PTPRD: variants seen among roughly 807,000 people sequenced by gnomAD.
PTPRD encodes the protein receptor-type tyrosine-protein phosphatase delta.
In PTPRD, 34 loss-of-function variants were observed where a neutral mutation model predicts 214.5. That is an observed-to-expected ratio of 0.16 (90% CI 0.12 to 0.21). The LOEUF (loss-of-function observed/expected upper bound fraction) is 0.21. Among genes scored for constraint, PTPRD ranks in the 10% least tolerant of loss-of-function variants. PTPRD has a pLI of 1.00. For missense variants in PTPRD, 2,545 were observed against 2,398.7 expected (o/e 1.06, Z -1.27); for synonymous variants, 1,128 against 845.7 (o/e 1.33, Z -5.79).
chr9:8,419,457 A>C (rs1206582957), intron 35 of PTPRD, among the ~76,000 whole-genome samples: 1 of 152,072 alleles, frequency 6.6e-6, no homozygotes, highest in African/African-American at 2.4e-5. Flanking sequence ...TATAGCGAAC[A>C]AAAAACAAAA....
chr9:8,374,295 G>A (rs924711304), intron 39 of PTPRD, among the ~76,000 whole-genome samples: 1 of 151,742 alleles, frequency 6.6e-6, no homozygotes, highest in African/African-American at 2.4e-5. Flanking sequence ...GGTCAGATCT[G>A]ACCAAGCAGA....
In PTPRD at chr9:9,595,302, A is replaced by AT. The variant is rs1436652855; in HGVS notation, c.-286-20522dup. Among the ~76,000 whole-genome samples, 190 of 71,018 alleles carry AT rather than the reference A, an allele frequency of 2.7e-3. 1 individual carries two copies. Among genetic ancestry groups the AT allele is most frequent in the African/African-American group, 7.1e-3 (183 of 25,710 alleles). 46.6% of individuals were successfully genotyped at this position (71,018 alleles called of 152,430 possible). On this transcript the variant is annotated intron_variant, in intron 7 of 45. Coordinates refer to ENST00000381196, the MANE Select transcript of PTPRD (RefSeq NM_002839.4). ...TTATATATATATTATATATATATATATATATATATTATATATATTTTATAT... is the reference window on the plus strand; with the variant it reads ...TTATATATATATTATATATATATATATTATATATATTATATATATTTTATAT...
In PTPRD at chr9:8,471,077, T is replaced by C. The variant is rs1322443341; in HGVS notation, c.3422A>G (p.Tyr1141Cys). 3 of 1,612,866 alleles carry C rather than the reference T, an allele frequency of 1.9e-6. No homozygotes were observed. The highest frequency in any genetic ancestry group is 1.7e-5 in the Admixed American group (1 of 59,978). The change falls in exon 31 of 46, where the codon TAC becomes TGC. Residue 1141 changes from tyrosine to cysteine, a missense_variant. Physicochemically the swap from Tyr to Cys is radical, Grantham distance 194. Transcript: ENST00000381196. ...TTTCTTCAAAGGCACAATTATTATGTAGTAACCTCTGCACAAGAATGAATA... is the reference window on the plus strand; with the variant it reads ...TTTCTTCAAAGGCACAATTATTATGCAGTAACCTCTGCACAAGAATGAATA... ...VPANENIKGY[Y>C]IIIVPLKKSR...
In PTPRD at chr9:8,557,455, T is replaced by TATATATATACACACATACACATAC; in HGVS notation, c.353-28677_353-28676insGTATGTGTATGTGTGTATATATAT. 1.4e-4 allele frequency among the ~76,000 whole-genome samples: 19 copies of TATATATATACACACATACACATAC among 135,628 alleles called. 1 individual carries two copies. The highest frequency in any genetic ancestry group is 5.9e-4 in the African/African-American group (17 of 28,794). The allele number at this position is 135,628 out of a possible 152,430, so 89.0% of individuals were successfully genotyped here. A position where few individuals can be genotyped will look rare whatever the true frequency, so the allele number is the denominator to read the frequency against. Reference sequence around the variant, plus strand: ...AAATACATATATATATATATATATATATTTGGGCCGGGCGCGGTGGCTCAT... The same window carrying TATATATATACACACATACACATAC: ...AAATACATATATATATATATATATATATATATATACACACATACACATACATTTGGGCCGGGCGCGGTGGCTCAT... On this transcript the variant is annotated intron_variant, in intron 14 of 45. Coordinates refer to ENST00000381196, the MANE Select transcript of PTPRD (RefSeq NM_002839.4).
chr9:9,425,927 A>T (rs1412718821), intron 8 of PTPRD, among the ~76,000 whole-genome samples: 1 of 152,158 alleles, frequency 6.6e-6, no homozygotes, highest in African/African-American at 2.4e-5. Context: ...ACACTGGGGG[A>T]GGTTCCAAGA....
At chr9:9,318,574 A>AT (rs1217397973) in intron 9 of PTPRD, among the ~76,000 whole-genome samples, 1 of 152,186 alleles carries the variant, frequency 6.6e-6, no homozygotes, top group Non-Finnish European at 1.5e-5. Flanking sequence ...AAAACACTAG[A>AT]TTTTAATTTT....
intron 9 of PTPRD, among the ~76,000 whole-genome samples, chr9:9,359,538 T>C (rs532064588): frequency 1.1e-4 from 16 of 151,362 alleles, no homozygotes; most frequent in Admixed American, 9.9e-4. Context: ...TTCTGCAGCA[T>C]GGCTGGGATT....
intron 7 of PTPRD, among the ~76,000 whole-genome samples, chr9:9,592,064 T>A (rs1031769514): frequency 1.6e-4 from 24 of 152,068 alleles, no homozygotes; most frequent in Admixed American, 1.3e-4. Flanking sequence ...GAAGTTTAGT[T>A]TTTTTCTTAA....
At chr9:9,067,382 CCTTT>C (rs375036087) in intron 10 of PTPRD, among the ~76,000 whole-genome samples, 34 of 152,262 alleles carry the variant, frequency 2.2e-4, no homozygotes, top group South Asian at 8.3e-4. Context: ...TACGTTTATG[CCTTT>C]CTAAGTCATT....
At chr9:10,222,264 A>G (rs1030288242) in intron 3 of PTPRD, among the ~76,000 whole-genome samples, 1 of 152,100 alleles carries the variant, frequency 6.6e-6, no homozygotes, top group Non-Finnish European at 1.5e-5. Flanking sequence ...TCTTACATAG[A>G]GGTATTTACT....
chr9:9,516,449 A>G, intron 8 of PTPRD, among the ~76,000 whole-genome samples: 1 of 151,688 alleles, frequency 6.6e-6, no homozygotes, highest in Non-Finnish European at 1.5e-5. Context: ...ATGGAAGCCA[A>G]CTTCATGAGG....
At chr9:9,356,290 A>G (rs912412571) in intron 9 of PTPRD, among the ~76,000 whole-genome samples, 16 of 151,380 alleles carry the variant, frequency 1.1e-4, no homozygotes, top group African/African-American at 3.6e-4. Context: ...AGTAGAAAGG[A>G]AAAATTGATG....
intron 9 of PTPRD, among the ~76,000 whole-genome samples, chr9:9,348,090 T>C (rs1469583708): frequency 6.6e-6 from 1 of 152,138 alleles, no homozygotes; most frequent in African/African-American, 2.4e-5. Context: ...AGAGAGTTGA[T>C]TGAATAGGTT....
At chr9:10,238,369 C>G (rs999089298) in intron 3 of PTPRD, among the ~76,000 whole-genome samples, 1 of 151,838 alleles carries the variant, frequency 6.6e-6, no homozygotes. Flanking sequence ...TTGCCAGTTC[C>G]TGAAAAACTT....
At chr9:9,412,616 C>T (rs1025830197) in intron 8 of PTPRD, among the ~76,000 whole-genome samples, 1 of 152,292 alleles carries the variant, frequency 6.6e-6, no homozygotes, top group Admixed American at 6.5e-5. Flanking sequence ...TAGACTCTCA[C>T]TCCACCAACT....
intron 21 of PTPRD, 150 bp from the exon 22 acceptor site, chr9:8,507,584 C>A (rs894690470): frequency 1.1e-6 from 1 of 883,114 alleles, no homozygotes; most frequent in Non-Finnish European, 1.7e-6. Context: ...TCCAAGTTAA[C>A]CTCTTTGTGT....
intron 11 of PTPRD, among the ~76,000 whole-genome samples, chr9:8,998,683 G>C (rs1019943130): frequency 1.3e-5 from 2 of 151,980 alleles, no homozygotes; most frequent in East Asian, 1.9e-4. Context: ...CATTTTATAA[G>C]GCTAGAGCTG....
chr9:8,499,805 C>T lies in PTPRD; in HGVS notation c.2164G>A (p.Ala722Thr), dbSNP rs150444130. 2 of 1,612,952 alleles carry T rather than the reference C, an allele frequency of 1.2e-6. No homozygotes were observed. The highest frequency in any genetic ancestry group is 1.7e-6 in the Non-Finnish European group (2 of 1,179,582). ...ACTTTAACAGATGTTGAGTTGACAG[C>T]CTCTACCTCGACTTTGCGAGGAGGA... ...SGPPRKVEVE[A>T]VNSTSVKVSW... Residue 722 changes from alanine (A) to threonine (T), a missense_variant, in exon 25 of 46, where the codon GCT (alanine) becomes ACT (threonine). Ala to Thr is a moderately conservative substitution (Grantham distance 58). Transcript: ENST00000381196.
chr9:10,229,776 A>G (rs1180794919), intron 3 of PTPRD, among the ~76,000 whole-genome samples: 2 of 151,952 alleles, frequency 1.3e-5, no homozygotes, highest in Non-Finnish European at 2.9e-5. Flanking sequence ...TGGGTGCAGC[A>G]CACCAACATA....
Sources: gnomAD v4.1 joint callset for allele counts (sites outside exome capture counted in the v4.1 genomes callset) on GRCh38, gnomAD v4.1.1 for gene constraint, MANE v1.5 for transcripts, NCBI Gene and HGNC (gene_info 2026-07-23, HGNC 2026-07-21) for gene names.